The following XRCC4 variants were observed in gnomAD, a reference collection of about 807,000 sequenced individuals.
XRCC4 encodes X-ray repair cross complementing 4, also known as DNA repair protein XRCC4.
Under a neutral mutation model 39.1 loss-of-function variants are expected in XRCC4, and 28 were observed. The observed-to-expected ratio is 0.72, with a 90% CI of 0.53 to 0.98. The LOEUF is 0.98. Ranked by LOEUF, XRCC4 falls within the 50% of genes least tolerant of loss-of-function variation. The pLI is 0.00. For synonymous variants in XRCC4, 123 were observed against 126.4 expected (o/e 0.97, Z 0.18); for missense variants, 350 against 376.4 (o/e 0.93, Z 0.58).
intron 7 of XRCC4, among the ~76,000 whole-genome samples, chr5:83,274,297 C>A (rs1338369905): frequency 6.6e-6 from 1 of 152,186 alleles, no homozygotes; most frequent in Admixed American, 6.5e-5. Flanking sequence ...AATTTATAAT[C>A]TAATTTTTAT....
chr5:83,330,005 A>G (rs1345018545), intron 7 of XRCC4, among the ~76,000 whole-genome samples: 1 of 152,092 alleles, frequency 6.6e-6, no homozygotes, highest in Non-Finnish European at 1.5e-5. Context: ...AAGGACATTT[A>G]TGGTCACCAG....
At chr5:83,132,662 C>T (rs531719736) in intron 3 of XRCC4, among the ~76,000 whole-genome samples, 1 of 152,208 alleles carries the variant, frequency 6.6e-6, no homozygotes, top group South Asian at 2.1e-4. Flanking sequence ...CTTTCTTCCA[C>T]TTGATTGAAT....
chr5:83,086,067 T>A (rs1479295000), intron 1 of XRCC4, among the ~76,000 whole-genome samples: 1 of 152,222 alleles, frequency 6.6e-6, no homozygotes. Flanking sequence ...AACATGGGTA[T>A]CAGGACTTGT....
chr5:83,184,023 T>G (rs1179001599), intron 3 of XRCC4, among the ~76,000 whole-genome samples: 1 of 152,106 alleles, frequency 6.6e-6, no homozygotes, highest in Non-Finnish European at 1.5e-5. Flanking sequence ...TTGAAATGTA[T>G]TTTTAGAAGT....
intron 6 of XRCC4, among the ~76,000 whole-genome samples, chr5:83,226,054 C>T (rs952937709): frequency 3.3e-5 from 5 of 151,846 alleles, no homozygotes; most frequent in Admixed American, 3.3e-4. Flanking sequence ...TTTTTAAAGC[C>T]TCTTCTTTGT....
At chr5:83,208,191 G>A (rs766008523) in intron 6 of XRCC4, among the ~76,000 whole-genome samples, 4 of 151,942 alleles carry the variant, frequency 2.6e-5, no homozygotes, top group Admixed American at 6.6e-5. Flanking sequence ...TTAGTAATAC[G>A]AAGATGAATA....
At chr5:83,309,296 A>AGAAAAAAATATATATATATATAT (rs1318501153) in intron 7 of XRCC4, among the ~76,000 whole-genome samples, 1 of 72,216 alleles carries the variant, frequency 1.4e-5, no homozygotes, top group Admixed American at 2.5e-4. Flanking sequence ...AAAAAAAAAA[A>AGAAAAAAATATATATATATATAT]ATATATATAT....
intron 7 of XRCC4, among the ~76,000 whole-genome samples, chr5:83,273,312 T>C (rs2112933950): frequency 6.6e-6 from 1 of 152,354 alleles, no homozygotes; most frequent in Admixed American, 6.5e-5. Flanking sequence ...TTGTAGATTC[T>C]GGATATTAGA....
intron 3 of XRCC4, 98 bp downstream of exon 3, chr5:83,111,301 C>A (rs1580233210): frequency 4.1e-6 from 4 of 984,116 alleles, no homozygotes; most frequent in East Asian, 3.1e-5. Context: ...ATTCCCAGAA[C>A]ACCTCAGAAG....
At chr5:83,247,592 C>T (rs531918424) in intron 6 of XRCC4, among the ~76,000 whole-genome samples, 1 of 152,248 alleles carries the variant, frequency 6.6e-6, no homozygotes, top group East Asian at 1.9e-4. Flanking sequence ...ATATGTCATC[C>T]ACAGAAGATC....
intron 1 of XRCC4, among the ~76,000 whole-genome samples, chr5:83,099,211 A>G (rs937110711): frequency 5.9e-5 from 9 of 152,224 alleles, no homozygotes; most frequent in African/African-American, 1.7e-4. Flanking sequence ...TTGCTTCATT[A>G]GAAACATGCA....
chr5:83,310,587 C>T (rs1379358529), intron 7 of XRCC4, among the ~76,000 whole-genome samples: 2 of 152,158 alleles, frequency 1.3e-5, no homozygotes, highest in Non-Finnish European at 2.9e-5. Flanking sequence ...TCTATGGTGA[C>T]ATGTGAAAGA....
At chr5:83,119,817 A>G (rs371238737) in intron 3 of XRCC4, among the ~76,000 whole-genome samples, 23 of 152,186 alleles carry the variant, frequency 1.5e-4, no homozygotes, top group African/African-American at 5.5e-4. Context: ...TACCAAAAAG[A>G]AAAAAGTAAA....
the XRCC4 span, among the ~76,000 whole-genome samples, chr5:83,369,910 T>C: frequency 6.6e-6 from 1 of 152,202 alleles, no homozygotes; most frequent in Admixed American, 6.5e-5. Flanking sequence ...CTTATCAATA[T>C]CTGTTATTTC....
intron 7 of XRCC4, among the ~76,000 whole-genome samples, chr5:83,284,072 A>C (rs1037446593): frequency 9.3e-5 from 14 of 150,804 alleles, no homozygotes; most frequent in South Asian, 2.1e-4. Flanking sequence ...AAAAAAAAAA[A>C]AAAAAACGAA....
In XRCC4 at chr5:83,301,402, T is replaced by C. The variant is rs186501802; in HGVS notation, c.893+42725T>C. Among the ~76,000 whole-genome samples, 330 of 152,364 alleles carry C rather than the reference T, an allele frequency of 2.2e-3. 1 individual carries two copies. Among genetic ancestry groups the C allele is most frequent in the African/African-American group, 7.6e-3 (315 of 41,596 alleles). On this transcript the variant is annotated intron_variant, in intron 7 of 7. Transcript: ENST00000396027. ...TTTTGAGAAGTGTCTGTTCATATCC[T>C]TCACCCACTTTTTGATGGGGTTGTT...
intron 7 of XRCC4, among the ~76,000 whole-genome samples, chr5:83,285,611 A>G (rs73769440): frequency 0.026 from 3,991 of 152,240 alleles, 147 homozygotes; most frequent in African/African-American, 0.091. Flanking sequence ...TCTTTTCAGA[A>G]TCATTCTAAT....
intron 7 of XRCC4, among the ~76,000 whole-genome samples, chr5:83,330,959 T>C (rs1756419846): frequency 1.3e-5 from 2 of 151,978 alleles, no homozygotes; most frequent in African/African-American, 4.8e-5. Flanking sequence ...TATTTCTTGG[T>C]ATTATATCCC....
At chr5:83,264,947 C>A (rs74408953) in intron 7 of XRCC4, among the ~76,000 whole-genome samples, 1 of 152,114 alleles carries the variant, frequency 6.6e-6, no homozygotes, top group Non-Finnish European at 1.5e-5. Flanking sequence ...TGTACCCTCA[C>A]AACAGTGTTT....
Sources: allele counts gnomAD v4.1 joint callset (sites outside exome capture counted in the v4.1 genomes callset), GRCh38; gene constraint gnomAD v4.1.1; transcripts MANE v1.5; gene names NCBI Gene and HGNC (gene_info 2026-07-23, HGNC 2026-07-21).